Variants in C2CD3 observed in about 807,000 individuals in gnomAD.
C2CD3 encodes the protein C2 domain containing 3 centriole elongation regulator.
Under a neutral mutation model 234.0 loss-of-function variants are expected in C2CD3, and 148 were observed. The ratio of observed to expected loss-of-function variants is 0.63; its 90% CI spans 0.55 to 0.72. The LOEUF (loss-of-function observed/expected upper bound fraction) is 0.72. Ranked by LOEUF, C2CD3 falls within the 30% of genes least tolerant of loss-of-function variation. The pLI, the probability that C2CD3 is intolerant of heterozygous loss-of-function variation, is 0.00. For synonymous variants in C2CD3, 1,000 were observed against 1,035.4 expected (o/e 0.97, Z 0.66); for missense variants, 2,577 against 2,811.5 (o/e 0.92, Z 1.89).
intron 7 of C2CD3, among the ~76,000 whole-genome samples, chr11:74,124,961 G>T (rs1957359480): frequency 6.6e-6 from 1 of 151,916 alleles, no homozygotes; most frequent in South Asian, 2.1e-4. Context: ...GTGTTCCTTG[G>T]CCATAAAATA....
Position 74,117,028 on chromosome 11 carries a change from A to ATG in C2CD3, c.1520+1198_1520+1199dup, listed in dbSNP as rs1357712425. ...TATATATACACATATATACGTGTAT[A>ATG]TGTATATATACGTGTGTGTGTATAT... On this transcript the variant is annotated intron_variant, in intron 9 of 32. Transcript: ENST00000334126. Among the ~76,000 whole-genome samples the ATG allele has an allele frequency of 2.9e-5, 3 of 104,798 alleles. 1 individual carries two copies. Among genetic ancestry groups the ATG allele is most frequent in the Admixed American group, 2.0e-4 (2 of 10,024 alleles). 68.8% of individuals were successfully genotyped at this position (104,798 alleles called of 152,430 possible).
chr11:74,037,497 T>G lies in C2CD3; in HGVS notation c.5862A>C (p.Gln1954His). Residue 1954 changes from glutamine to histidine, a missense_variant, in exon 30 of 33, where the codon CAA becomes CAC. Gln to His is a conservative substitution (Grantham distance 24). Transcript: ENST00000334126. ...TCATACCTGTGATTAAGGAGCTGAC[T>G]TGCAACACCAGGTTACTGGATTTCT... ...ILEKSSNLVL[Q>H]VSSLITDLQT... is the part of the protein sequence containing the mutation. 2 of 1,613,952 alleles carry G rather than the reference T, an allele frequency of 1.2e-6. No individual in the cohort carries two copies. The highest frequency in any genetic ancestry group is 1.7e-6 in the Non-Finnish European group (2 of 1,179,846).
At chr11:74,127,044 A>G (rs1615115) in intron 7 of C2CD3, among the ~76,000 whole-genome samples, 92,169 of 152,102 alleles carry the variant, frequency 0.61, 30,024 homozygotes, top group African/African-American at 0.87. Flanking sequence ...GTCTTGCTCT[A>G]CAACCCAGGC....
chr11:74,040,851 G>T (rs1401206265), intron 29 of C2CD3, among the ~76,000 whole-genome samples: 1 of 151,902 alleles, frequency 6.6e-6, no homozygotes, highest in Non-Finnish European at 1.5e-5. Context: ...AGCAAGGCCA[G>T]GTGTTCGAGC....
chr11:74,037,440 G>A, intron 30 of C2CD3, 38 bp downstream of exon 30: 1 of 1,501,018 alleles, frequency 6.7e-7, no homozygotes, highest in Non-Finnish European at 9.3e-7. Flanking sequence ...AGCACCTAGT[G>A]ACCATAACAT....
intron 10 of C2CD3, 31 bp downstream of exon 10, chr11:74,114,353 C>A: frequency 6.6e-7 from 1 of 1,521,562 alleles, no homozygotes; most frequent in South Asian, 1.1e-5. Context: ...CCAAAAATGT[C>A]AAATTTAGCT....
Position 74,168,421 on chromosome 11 carries a change from G to C in C2CD3, c.248C>G (p.Thr83Ser), listed in dbSNP as rs746431733. 6.2e-7 allele frequency: 1 copy of C among 1,614,080 alleles called. No homozygotes were observed. The highest frequency in any genetic ancestry group is 2.2e-5 in the East Asian group (1 of 44,882). Residue 83 changes from threonine to serine, a missense_variant, in exon 2 of 33, where the codon ACT becomes AGT. Coordinates refer to ENST00000334126, the MANE Select transcript of C2CD3 (RefSeq NM_001286577.2). ...AGTTGTTCTCACAGCTTTTGGTTCAGTCTGCAATGCATCCCTGGGACAAAA... is the reference window on the plus strand; with the variant it reads ...AGTTGTTCTCACAGCTTTTGGTTCACTCTGCAATGCATCCCTGGGACAAAA... ...TLFCPRDALQ[T>S]EPKAVRTTTR... is the part of the protein sequence containing the mutation.
At chr11:74,146,781 G>A (rs535947500) in intron 3 of C2CD3, among the ~76,000 whole-genome samples, 37 of 146,156 alleles carry the variant, frequency 2.5e-4, no homozygotes, top group South Asian at 2.0e-3. Context: ...TGCCAGGCGC[G>A]GTGGCTCACG....
intron 5 of C2CD3, among the ~76,000 whole-genome samples, chr11:74,133,916 A>G (rs1957768922): frequency 6.6e-6 from 1 of 152,178 alleles, no homozygotes; most frequent in Admixed American, 6.5e-5. Flanking sequence ...TATCAAATTT[A>G]TACTTCTATG....
intron 12 of C2CD3, 41 bp from the exon 13 acceptor site, chr11:74,106,534 G>T (rs752324067): frequency 1.3e-6 from 2 of 1,586,956 alleles, no homozygotes; most frequent in Admixed American, 3.5e-5. Context: ...TAATTAAAGA[G>T]AAGCCACAGG....
At chr11:74,063,585 A>G (rs556768850) in intron 24 of C2CD3, among the ~76,000 whole-genome samples, 15 of 152,354 alleles carry the variant, frequency 9.8e-5, no homozygotes, top group Admixed American at 4.6e-4. Flanking sequence ...ACAGCCCTTC[A>G]TGTTAAAAAC....
intron 32 of C2CD3, 72 bp downstream of exon 32, chr11:74,028,215 T>G: frequency 8.9e-7 from 1 of 1,118,196 alleles, no homozygotes; most frequent in Non-Finnish European, 1.3e-6. Flanking sequence ...GGGGCAGCTC[T>G]GCATTCTGTG....
intron 26 of C2CD3, among the ~76,000 whole-genome samples, chr11:74,051,505 C>T (rs576096671): frequency 3.9e-5 from 6 of 152,260 alleles, no homozygotes; most frequent in Admixed American, 2.0e-4. Flanking sequence ...AAAGGAATGG[C>T]TTGGAAGAGT....
intron 3 of C2CD3, among the ~76,000 whole-genome samples, chr11:74,149,586 G>T (rs76974141): frequency 6.6e-6 from 1 of 151,330 alleles, no homozygotes; most frequent in African/African-American, 2.4e-5. Context: ...GACACAATAG[G>T]TGTTTTGTAA....
At chr11:74,139,147 A>G (rs755654908) in intron 4 of C2CD3, among the ~76,000 whole-genome samples, 180 bp from the exon 5 acceptor site, 8 of 152,238 alleles carry the variant, frequency 5.3e-5, no homozygotes, top group Admixed American at 5.2e-4. Context: ...TATAGAAATA[A>G]TAGATGCTTT....
At chr11:74,092,672 G>A in intron 18 of C2CD3, 84 bp from the exon 19 acceptor site, 1 of 1,081,400 alleles carries the variant, frequency 9.2e-7, no homozygotes, top group East Asian at 2.5e-5. Context: ...TTCACTACCT[G>A]GTTATCTTTG....
rs145609025 is a variant in C2CD3 at position 74,103,049 on chromosome 11, A to G, written c.2580+82T>C. The G allele has an allele frequency of 2.0e-4, 275 of 1,373,824 alleles. No individual in the cohort carries two copies. The African/African-American group carries it at 2.1e-3, about 10-fold the overall frequency. 85.1% of individuals were successfully genotyped at this position (1,373,824 alleles called of 1,614,324 possible). A position where few individuals can be genotyped will look rare whatever the true frequency, so the allele number is the denominator to read the frequency against. ...GTTCCTTCTAGTCTGAACATTCTAG[A>G]TTTAAGACGAAATAATAATTTGGGA... is the stretch of plus-strand genomic sequence containing the variant. On this transcript the variant is annotated intron_variant, in intron 14 of 32. Coordinates refer to ENST00000334126, the MANE Select transcript of C2CD3 (RefSeq NM_001286577.2).
At chr11:74,150,519 A>AAC (rs1855555062) in intron 3 of C2CD3, among the ~76,000 whole-genome samples, 1 of 76,322 alleles carries the variant, frequency 1.3e-5, no homozygotes, top group Non-Finnish European at 2.9e-5. Flanking sequence ...AAAAAAACAA[A>AAC]AAAAAAACAA....
intron 7 of C2CD3, chr11:74,129,332 G>A (rs1267921838): frequency 6.4e-5 from 11 of 172,028 alleles, no homozygotes; most frequent in African/African-American, 2.0e-4. Context: ...GGTGGCTGCC[G>A]GGCAGAGGTC....
Sources: gnomAD v4.1 joint callset for allele counts (sites outside exome capture counted in the v4.1 genomes callset) on GRCh38, gnomAD v4.1.1 for gene constraint, MANE v1.5 for transcripts, NCBI Gene and HGNC (gene_info 2026-07-23, HGNC 2026-07-21) for gene names.